The following KLRC1 variants were observed in gnomAD, a reference collection of about 807,000 sequenced individuals.
KLRC1 encodes the protein NKG2-A/NKG2-B type II integral membrane protein.
In KLRC1, 22 loss-of-function variants were observed where a neutral mutation model predicts 25.9. That is an observed-to-expected ratio of 0.85 (90% CI 0.61 to 1.21). KLRC1 has a LOEUF of 1.21. Ranked by LOEUF, KLRC1 falls within the 50% of genes most tolerant of loss-of-function variation. The pLI is 0.00. For synonymous variants in KLRC1, 77 were observed against 93.1 expected, an observed-to-expected ratio of 0.83 and a Z score of 0.99; for missense variants, 240 against 272.2, an observed-to-expected ratio of 0.88 and a Z score of 0.83.
chr12:10,448,924 G>A (rs1365980147), intron 5 of KLRC1, among the ~76,000 whole-genome samples: 3 of 152,124 alleles, frequency 2.0e-5, no homozygotes, highest in Non-Finnish European at 2.9e-5. Flanking sequence ...TATCACAGGA[G>A]TTCATTCACT....
downstream of KLRC1, among the ~76,000 whole-genome samples, chr12:10,444,130 T>C (rs1184559174): frequency 7.2e-6 from 1 of 139,264 alleles, no homozygotes; most frequent in Non-Finnish European, 1.6e-5. Context: ...CTGATTGCCC[T>C]CAATGTACAT....
intron 5 of KLRC1, among the ~76,000 whole-genome samples, chr12:10,448,318 C>T (rs755061484): frequency 6.6e-5 from 10 of 152,288 alleles, no homozygotes; most frequent in Non-Finnish European, 1.5e-4. Flanking sequence ...GTGACCTAGG[C>T]CTGCTGTTTC....
Position 10,451,117 on chromosome 12 carries a change from G to T in KLRC1, c.40C>A (p.Pro14Thr). The change falls in exon 2 of 7, where the codon CCC becomes ACC. Residue 14 changes from proline to threonine, a missense_variant. Transcript: ENST00000359151. Reference sequence around the variant, plus strand: ...CGTTGCTGCCTCTTTGGGTTTGGGGGCAGATTCAGGTCTGAGTAGATTACT... The same window carrying T: ...CGTTGCTGCCTCTTTGGGTTTGGGGTCAGATTCAGGTCTGAGTAGATTACT... ...QGVIYSDLNL[P>T]PNPKRQQRKP... The T allele has an allele frequency of 6.2e-7, 1 of 1,613,944 alleles. No individual in the cohort carries two copies.
At chr12:10,448,864 CA>C (rs1044392304) in intron 5 of KLRC1, among the ~76,000 whole-genome samples, 2 of 152,150 alleles carry the variant, frequency 1.3e-5, no homozygotes, top group Non-Finnish European at 2.9e-5. Context: ...AGGGCATACA[CA>C]GGGGTGGAAC....
At chr12:10,450,342 A>C in intron 3 of KLRC1, 142 bp downstream of exon 3, 1 of 548,988 alleles carries the variant, frequency 1.8e-6, no homozygotes, top group Non-Finnish European at 3.2e-6. Flanking sequence ...ATTCTTTGAC[A>C]AATTCAGAAT....
intron 6 of KLRC1, 78 bp downstream of exon 6, chr12:10,447,454 A>G: frequency 8.2e-7 from 1 of 1,222,212 alleles, no homozygotes; most frequent in Non-Finnish European, 1.2e-6. Context: ...ATGATTCCAC[A>G]TAGATTTATT....
At chr12:10,452,429 C>A (rs925377856) in intron 1 of KLRC1, among the ~76,000 whole-genome samples, 1 of 152,190 alleles carries the variant, frequency 6.6e-6, no homozygotes, top group Non-Finnish European at 1.5e-5. Context: ...AATGTGCGAC[C>A]TTTAAAAAGT....
At chr12:10,444,846 T>C (rs1225410247), downstream of KLRC1, among the ~76,000 whole-genome samples, 9 of 151,764 alleles carry the variant, frequency 5.9e-5, no homozygotes, top group Admixed American at 5.9e-4. Flanking sequence ...AATAAAAACA[T>C]GGTCAAATAT....
chr12:10,444,808 A>T (rs1357702103), downstream of KLRC1, among the ~76,000 whole-genome samples: 1 of 152,136 alleles, frequency 6.6e-6, no homozygotes, highest in African/African-American at 2.4e-5. Flanking sequence ...TAGCCTTGAT[A>T]TCAAAACCTT....
intron 2 of KLRC1, 72 bp downstream of exon 2, chr12:10,450,898 C>G: frequency 8.7e-7 from 1 of 1,151,832 alleles, no homozygotes; most frequent in South Asian, 1.6e-5. Flanking sequence ...ACTCCCTTCT[C>G]TTTCCCCACA....
Position 10,449,269 on chromosome 12 carries a change from T to G in KLRC1, c.457A>C (p.Ser153Arg). Residue 153 changes from serine to arginine, a missense_variant, in exon 5 of 7, where the codon AGT (serine) becomes CGT (arginine). Coordinates refer to ENST00000359151, the MANE Select transcript of KLRC1 (RefSeq NM_002259.5). ...TCTTCATTATCTATAGAAAGCAGAC[T>G]GGAGTTCTTCGAAGTACAGGCCAGC... ...SLLACTSKNS[S>R]LLSIDNEEEM... 6.2e-7 allele frequency: 1 copy of G among 1,613,986 alleles called. No homozygotes were observed. Among genetic ancestry groups the G allele is most frequent in the Non-Finnish European group, 8.5e-7 (1 of 1,179,914 alleles).
chr12:10,452,237 G>A (rs1045101276), intron 1 of KLRC1, among the ~76,000 whole-genome samples: 2 of 152,072 alleles, frequency 1.3e-5, no homozygotes, highest in East Asian at 1.9e-4. Context: ...AAAAGTATAG[G>A]TAATTCATGT....
At chr12:10,447,294 T>C (rs2137888640) in intron 6 of KLRC1, 2 of 351,232 alleles carry the variant, frequency 5.7e-6, no homozygotes, top group African/African-American at 2.1e-5. Flanking sequence ...CTTCTTCCAA[T>C]GTGGCCCACA....
At chr12:10,445,973 T>A (rs561255384), downstream of KLRC1, 73 of 150,476 alleles carry the variant, frequency 4.9e-4, 1 homozygote, top group African/African-American at 1.7e-3. Context: ...AAGAAGCTAA[T>A]CTTTAAAAAT....
At position 10,446,567 on chromosome 12, in the gene KLRC1, C is replaced by T; in HGVS notation, c.686G>A (p.Cys229Tyr). 1 of 1,613,470 alleles carries T rather than the reference C, an allele frequency of 6.2e-7. No homozygotes were observed. Among genetic ancestry groups the T allele is most frequent in the Non-Finnish European group, 8.5e-7 (1 of 1,179,744 alleles). ...AQCGSSIIYH[C>Y]KHKL is the part of the protein sequence containing the mutation. ...GCTTTACCTCTAAAGCTTATGCTTA[C>T]AATGATATATTATTGAAGATCCACA... Residue 229 changes from cysteine to tyrosine, a missense_variant, in exon 7 of 7, where the codon TGT becomes TAT. By Grantham distance (194) the Cys-to-Tyr change is radical. Transcript: ENST00000359151.
intron 1 of KLRC1, among the ~76,000 whole-genome samples, chr12:10,451,571 T>G (rs972153466): frequency 1.3e-5 from 2 of 151,750 alleles, no homozygotes; most frequent in African/African-American, 4.8e-5. Context: ...CAGGAGAATC[T>G]CTTGAACATG....
rs146421757 is a variant in KLRC1, at chr12:10,447,604, G to A, written c.518C>T (p.Ser173Leu). 1 of 1,606,332 alleles carries A rather than the reference G, an allele frequency of 6.2e-7. No homozygotes were observed. Among genetic ancestry groups the A allele is most frequent in the Non-Finnish European group, 8.5e-7 (1 of 1,176,288 alleles). The change falls in exon 6 of 7, where the codon TCA becomes TTA. Residue 173 changes from serine (S) to leucine (L), a missense_variant. By Grantham distance (145) the Ser-to-Leu change is moderately radical. Coordinates refer to ENST00000359151, the MANE Select transcript of KLRC1 (RefSeq NM_002259.5). ...MKFLSIISPS[S>L]WIGVFRNSSH... ...GCTGTTACGAAACACACCAATCCAT[G>A]AGGATGGTGAAATGATGGACAGAAA...
chr12:10,450,043 AT>A (rs1011245481), intron 3 of KLRC1, 76 bp from the exon 4 acceptor site: 15 of 1,140,608 alleles, frequency 1.3e-5, no homozygotes, highest in Admixed American at 1.1e-4. Flanking sequence ...TTTTGTTTGA[AT>A]TTTTTTGTAT....
chr12:10,450,059 T>C, intron 3 of KLRC1, 92 bp from the exon 4 acceptor site: 1 of 1,019,312 alleles, frequency 9.8e-7, no homozygotes. Flanking sequence ...TTGTATTATT[T>C]AGAGTTAGAA....
Sources: allele counts gnomAD v4.1 joint callset (sites outside exome capture counted in the v4.1 genomes callset), GRCh38; gene constraint gnomAD v4.1.1; transcripts MANE v1.5; gene names NCBI Gene and HGNC (gene_info 2026-07-23, HGNC 2026-07-21).